The following DCDC2 variants were observed in gnomAD, a reference collection of about 807,000 sequenced individuals.
DCDC2 encodes doublecortin domain-containing protein 2.
A neutral mutation model predicts 50.2 loss-of-function variants in DCDC2; 40 were observed. The observed-to-expected ratio is 0.80, with a 90% CI of 0.62 to 1.04. The LOEUF is 1.04. Among genes scored for constraint, DCDC2 ranks in the 50% least tolerant of loss-of-function variants. The pLI is 0.00. For missense variants in DCDC2, 570 were observed against 581.9 expected, an observed-to-expected ratio of 0.98 and a Z score of 0.21; for synonymous variants, 234 against 210.6, an observed-to-expected ratio of 1.11 and a Z score of -0.96.
intron 7 of DCDC2, among the ~76,000 whole-genome samples, chr6:24,257,188 T>C (rs1410402584): frequency 6.6e-6 from 1 of 152,202 alleles, no homozygotes; most frequent in Non-Finnish European, 1.5e-5. Context: ...GCAAATCTGA[T>C]TTAATCAAGT....
intron 2 of DCDC2, among the ~76,000 whole-genome samples, chr6:24,335,375 A>G (rs924434567): frequency 2.0e-5 from 3 of 152,338 alleles, no homozygotes; most frequent in African/African-American, 7.2e-5. Flanking sequence ...TAGCGGCATT[A>G]ATTTTGGCAG....
At chr6:24,260,414 C>T (rs1762984291) in intron 7 of DCDC2, among the ~76,000 whole-genome samples, 2 of 152,162 alleles carry the variant, frequency 1.3e-5, no homozygotes, top group Non-Finnish European at 2.9e-5. Context: ...AAAGTGTTTT[C>T]TCAGTCATAA....
At chr6:24,257,479 A>C (rs1055718846) in intron 7 of DCDC2, among the ~76,000 whole-genome samples, 2 of 152,192 alleles carry the variant, frequency 1.3e-5, no homozygotes, top group African/African-American at 4.8e-5. Flanking sequence ...CACCTGCTGT[A>C]AAGTTGTGTC....
intron 7 of DCDC2, among the ~76,000 whole-genome samples, chr6:24,258,209 A>T (rs1762934188): frequency 1.3e-5 from 2 of 152,266 alleles, no homozygotes; most frequent in South Asian, 2.1e-4. Flanking sequence ...TATTGTGAAG[A>T]GCAAAAGAAA....
At chr6:24,365,278 T>A in the DCDC2 span, among the ~76,000 whole-genome samples, 1 of 152,192 alleles carries the variant, frequency 6.6e-6, no homozygotes, top group Admixed American at 6.5e-5. Context: ...CCTCATTGCC[T>A]CACCTAGGTT....
chr6:24,359,575 T>G (rs1353049400), upstream of DCDC2, among the ~76,000 whole-genome samples: 10 of 120,782 alleles, frequency 8.3e-5, no homozygotes, highest in Non-Finnish European at 1.5e-4. Context: ...TATATATATA[T>G]TTTATATATA....
intron 2 of DCDC2, among the ~76,000 whole-genome samples, chr6:24,317,648 C>T (rs1341587456): frequency 6.6e-6 from 1 of 151,836 alleles, no homozygotes; most frequent in African/African-American, 2.4e-5. Context: ...ATTTGACTAA[C>T]ATAAAAACAA....
chr6:24,234,331 A>G (rs540923287), intron 7 of DCDC2, among the ~76,000 whole-genome samples: 139 of 152,322 alleles, frequency 9.1e-4, no homozygotes, highest in African/African-American at 3.2e-3. Context: ...ATGATACAAA[A>G]GAGTCAGAAC....
chr6:24,232,349 C>T (rs555534049), intron 7 of DCDC2, among the ~76,000 whole-genome samples: 14 of 152,288 alleles, frequency 9.2e-5, no homozygotes, highest in South Asian at 4.1e-4. Flanking sequence ...GACATTCTCT[C>T]GTTTAAATGA....
At chr6:24,289,254 C>A (rs892294712) in intron 5 of DCDC2, among the ~76,000 whole-genome samples, 2 of 152,178 alleles carry the variant, frequency 1.3e-5, no homozygotes, top group East Asian at 3.8e-4. Flanking sequence ...TTTTTCCAGA[C>A]TGAGTTAAAA....
chr6:24,362,924 T>C (rs1760693880), upstream of DCDC2, among the ~76,000 whole-genome samples: 1 of 152,160 alleles, frequency 6.6e-6, no homozygotes, highest in African/African-American at 2.4e-5. Context: ...GGAGCTCTTC[T>C]CTCTTGTGCA....
At chr6:24,331,523 G>A (rs1196993455) in intron 2 of DCDC2, among the ~76,000 whole-genome samples, 3 of 151,782 alleles carry the variant, frequency 2.0e-5, no homozygotes, top group Admixed American at 1.3e-4. Context: ...TTTGATATGC[G>A]ATACTAAAGT....
intron 7 of DCDC2, among the ~76,000 whole-genome samples, chr6:24,222,662 A>G (rs1486286723): frequency 6.6e-6 from 1 of 152,228 alleles, no homozygotes; most frequent in Non-Finnish European, 1.5e-5. Context: ...AAAGAAAGTG[A>G]AAAACCATCT....
At chr6:24,190,708 A>T (rs1025509393) in intron 8 of DCDC2, among the ~76,000 whole-genome samples, 1 of 152,212 alleles carries the variant, frequency 6.6e-6, no homozygotes, top group South Asian at 2.1e-4. Flanking sequence ...CTTACTGACA[A>T]TGCATAGATA....
At chr6:24,185,357 G>A (rs1761167837) in intron 8 of DCDC2, among the ~76,000 whole-genome samples, 1 of 152,084 alleles carries the variant, frequency 6.6e-6, no homozygotes. Flanking sequence ...AGCCACATCT[G>A]GTTAGTTCAA....
At chr6:24,216,903 A>C (rs1761993962) in intron 7 of DCDC2, among the ~76,000 whole-genome samples, 1 of 152,250 alleles carries the variant, frequency 6.6e-6, no homozygotes, top group African/African-American at 2.4e-5. Context: ...ACCTTAGCTA[A>C]AATACCAAAA....
intron 2 of DCDC2, among the ~76,000 whole-genome samples, chr6:24,312,461 A>AC (rs1759588561): frequency 1.3e-5 from 2 of 149,118 alleles, no homozygotes; most frequent in African/African-American, 4.9e-5. Flanking sequence ...ATATAATAAT[A>AC]TTTTTTTTTA....
At chr6:24,190,744 TC>T (rs1459802714) in intron 8 of DCDC2, among the ~76,000 whole-genome samples, 2 of 152,206 alleles carry the variant, frequency 1.3e-5, no homozygotes, top group African/African-American at 4.8e-5. Flanking sequence ...TCATTCTCAT[TC>T]TAACCCTTCC....
chr6:24,178,590 C>T lies in DCDC2; in HGVS notation c.1066G>A (p.Ala356Thr), dbSNP rs183480366. The part of the protein sequence containing the change: ...IVDEEEDGEK[A>T]NKDAEQKEDF... ...TCTTTCTGTTCTGCATCCTTGTTTG[C>T]CTTCTCTCCATCTTCTTCCTCGTCT... Residue 356 changes from alanine to threonine, a missense_variant, in exon 9 of 10, where the codon GCA becomes ACA. Coordinates refer to ENST00000378454, the MANE Select transcript of DCDC2 (RefSeq NM_016356.5). 5.5e-5 allele frequency: 88 copies of T among 1,613,930 alleles called. 1 individual carries two copies. In the Admixed American group the frequency reaches 6.2e-4, roughly 11 times the overall value.
Sources: gnomAD v4.1 joint callset for allele counts (sites outside exome capture counted in the v4.1 genomes callset) on GRCh38, gnomAD v4.1.1 for gene constraint, MANE v1.5 for transcripts, NCBI Gene and HGNC (gene_info 2026-07-23, HGNC 2026-07-21) for gene names.